Variants in LHFPL3 observed in about 807,000 individuals in gnomAD.
LHFPL3 encodes the protein LHFPL tetraspan subfamily member 3 protein.
A neutral mutation model predicts 19.3 loss-of-function variants in LHFPL3; 5 were observed. The observed-to-expected ratio is 0.26, with a 90% confidence interval of 0.14 to 0.54. The LOEUF (loss-of-function observed/expected upper bound fraction) is 0.54. Among genes scored for constraint, LHFPL3 ranks in the 20% least tolerant of loss-of-function variants. The probability of loss-of-function intolerance (pLI) is 0.94; values close to 1 mark genes in which losing one functional copy is unlikely to be tolerated. For synonymous variants in LHFPL3, 133 were observed against 126.2 expected, an observed-to-expected ratio of 1.05 and a Z score of -0.36; for missense variants, 249 against 307.4, an observed-to-expected ratio of 0.81 and a Z score of 1.42.
intron 1 of LHFPL3, among the ~76,000 whole-genome samples, chr7:104,516,164 A>T (rs899132762): frequency 6.6e-6 from 1 of 152,108 alleles, no homozygotes; most frequent in Non-Finnish European, 1.5e-5. Context: ...AGAAGGGGAA[A>T]CAAACACATC....
At chr7:104,676,460 T>A (rs919239041) in intron 1 of LHFPL3, among the ~76,000 whole-genome samples, 1 of 152,214 alleles carries the variant, frequency 6.6e-6, no homozygotes, top group Non-Finnish European at 1.5e-5. Context: ...TTCTTAAGCA[T>A]ACAATCAGAT....
At chr7:104,638,239 T>C (rs1264387191) in intron 1 of LHFPL3, among the ~76,000 whole-genome samples, 1 of 152,234 alleles carries the variant, frequency 6.6e-6, no homozygotes, top group Non-Finnish European at 1.5e-5. Context: ...ATTGATTTTA[T>C]ATTCTGAAAT....
chr7:104,773,282 G>T (rs964649420), intron 2 of LHFPL3, among the ~76,000 whole-genome samples: 1 of 152,228 alleles, frequency 6.6e-6, no homozygotes, highest in Non-Finnish European at 1.5e-5. Flanking sequence ...GGTGGGCCCA[G>T]TGAGTTCTGC....
chr7:104,384,127 G>A (rs575458333), intron 1 of LHFPL3, among the ~76,000 whole-genome samples: 1 of 152,290 alleles, frequency 6.6e-6, no homozygotes, highest in African/African-American at 2.4e-5. Context: ...GGTGACAAAG[G>A]ATATTAAATA....
chr7:104,516,136 G>T (rs889723268), intron 1 of LHFPL3, among the ~76,000 whole-genome samples: 4 of 152,098 alleles, frequency 2.6e-5, no homozygotes, highest in African/African-American at 7.2e-5. Flanking sequence ...GAGGCCTCAG[G>T]AAACTTACAA....
At chr7:104,754,889 A>G (rs1026750473) in intron 2 of LHFPL3, among the ~76,000 whole-genome samples, 2 of 151,882 alleles carry the variant, frequency 1.3e-5, no homozygotes, top group Non-Finnish European at 2.9e-5. Context: ...TTTCTCTTCT[A>G]TTTTCCTAGT....
At chr7:104,592,811 C>CCCT (rs1790754946) in intron 1 of LHFPL3, among the ~76,000 whole-genome samples, 1 of 152,102 alleles carries the variant, frequency 6.6e-6, no homozygotes. Context: ...TGGTGGATGC[C>CCCT]CCTCCCCCAG....
chr7:104,534,479 A>C (rs1464888233), intron 1 of LHFPL3, among the ~76,000 whole-genome samples: 1 of 152,264 alleles, frequency 6.6e-6, no homozygotes, highest in Non-Finnish European at 1.5e-5. Context: ...CTTAGGATCC[A>C]TTACAGTGCT....
chr7:104,699,703 A>G (rs552948882), intron 1 of LHFPL3, among the ~76,000 whole-genome samples: 1 of 152,284 alleles, frequency 6.6e-6, no homozygotes, highest in East Asian at 1.9e-4. Context: ...ATTTTATGTT[A>G]TATATGTTTT....
In LHFPL3 at chr7:104,438,166, G is replaced by A. The variant is rs138554416; in HGVS notation, c.445+108942G>A. Reference sequence around the variant, plus strand: ...ATCCTAAGAGTTTTAGGAGCTCTGTGCCAGGAACTAGGGAGAGATATAATA... The same window carrying A: ...ATCCTAAGAGTTTTAGGAGCTCTGTACCAGGAACTAGGGAGAGATATAATA... On this transcript the variant is annotated intron_variant, in intron 1 of 2. Transcript: ENST00000424859. Among the ~76,000 whole-genome samples the A allele has an allele frequency of 1.8e-4, 27 of 152,310 alleles. No homozygotes were observed. In the East Asian group the frequency reaches 5.0e-3, roughly 28 times the overall value.
At chr7:104,807,333 A>G (rs1338468812) in intron 2 of LHFPL3, among the ~76,000 whole-genome samples, 2 of 152,122 alleles carry the variant, frequency 1.3e-5, no homozygotes, top group African/African-American at 2.4e-5. Context: ...ACAGGCATGG[A>G]AGAGATTCTT....
At chr7:104,426,223 G>A (rs1791841245) in intron 1 of LHFPL3, among the ~76,000 whole-genome samples, 1 of 151,980 alleles carries the variant, frequency 6.6e-6, no homozygotes, top group South Asian at 2.1e-4. Context: ...TGATTCTGGT[G>A]TTCTACACTA....
intron 1 of LHFPL3, among the ~76,000 whole-genome samples, chr7:104,463,327 G>A (rs560694770): frequency 3.9e-5 from 6 of 152,180 alleles, no homozygotes; most frequent in African/African-American, 1.4e-4. Context: ...ATGTGATATT[G>A]GATTATTAAT....
intron 1 of LHFPL3, among the ~76,000 whole-genome samples, chr7:104,508,678 A>G (rs1793750496): frequency 6.6e-6 from 1 of 151,732 alleles, no homozygotes; most frequent in African/African-American, 2.4e-5. Flanking sequence ...AGACATCTCA[A>G]ATCAATAAAT....
At chr7:104,805,880 C>T (rs1354691092) in intron 2 of LHFPL3, among the ~76,000 whole-genome samples, 6 of 152,226 alleles carry the variant, frequency 3.9e-5, no homozygotes, top group African/African-American at 1.2e-4. Context: ...CTAGCCACAT[C>T]GCTTTGTCTG....
At chr7:104,385,885 G>C (rs1790931654) in intron 1 of LHFPL3, among the ~76,000 whole-genome samples, 1 of 148,048 alleles carries the variant, frequency 6.8e-6, no homozygotes, top group Non-Finnish European at 1.5e-5. Context: ...CTTCCAAAAT[G>C]GTGGAGAAAG....
chr7:104,723,722 CAAAAAAAA>C (rs1167618176), intron 1 of LHFPL3, among the ~76,000 whole-genome samples: 8 of 46,944 alleles, frequency 1.7e-4, no homozygotes, highest in African/African-American at 6.8e-4. Flanking sequence ...ACTATGTCTC[CAAAAAAAA>C]AAAAAAAAAA....
Position 104,654,873 on chromosome 7 carries a change from A to C in LHFPL3, c.446-81802A>C, listed in dbSNP as rs189827838. On this transcript the variant is annotated intron_variant, in intron 1 of 2. Coordinates refer to ENST00000424859, the MANE Select transcript of LHFPL3 (RefSeq NM_199000.3). ...CTAGTGTAGGTTGTACACCATGTAC[A>C]AACCAAGCCGACTTTCTTATACACA... Among the ~76,000 whole-genome samples the C allele has an allele frequency of 2.6e-3, 395 of 152,334 alleles. 2 individuals carry two copies. Among genetic ancestry groups the C allele is most frequent in the African/African-American group, 9.1e-3 (379 of 41,574 alleles).
intron 1 of LHFPL3, among the ~76,000 whole-genome samples, chr7:104,623,502 T>C (rs1029000243): frequency 2.5e-5 from 3 of 118,608 alleles, no homozygotes; most frequent in Non-Finnish European, 5.8e-5. Flanking sequence ...TGGTGGTGCA[T>C]GCCTGTAGTC....
Sources: allele counts gnomAD v4.1 joint callset (sites outside exome capture counted in the v4.1 genomes callset), GRCh38; gene constraint gnomAD v4.1.1; transcripts MANE v1.5; gene names NCBI Gene and HGNC (gene_info 2026-07-23, HGNC 2026-07-21).